FGF14: variants seen among roughly 807,000 people sequenced by gnomAD.
The protein encoded by FGF14 is fibroblast growth factor 14, also known as fibroblast growth factor homologous factor 4.
FGF14 carries 5 observed loss-of-function variants against 25.5 expected under a neutral mutation model. That is an observed-to-expected ratio of 0.20 (90% CI 0.10 to 0.41). The LOEUF is 0.41. Ranked by LOEUF, FGF14 falls within the 10% of genes least tolerant of loss-of-function variation. The pLI is 1.00. For synonymous variants in FGF14, 138 were observed against 118.3 expected (o/e 1.17, Z -1.08); for missense variants, 222 against 320.1 (o/e 0.69, Z 2.34).
At chr13:101,920,726 A>G (rs1204599905), upstream of FGF14, among the ~76,000 whole-genome samples, 1 of 152,178 alleles carries the variant, frequency 6.6e-6, no homozygotes, top group African/African-American at 2.4e-5. Flanking sequence ...ATAATTCGAA[A>G]CATAAGAAGT....
chr13:101,811,916 G>T (rs1357099721), intron 3 of FGF14, among the ~76,000 whole-genome samples: 1 of 152,118 alleles, frequency 6.6e-6, no homozygotes, highest in African/African-American at 2.4e-5. Context: ...AAGTTGGAAG[G>T]TCTCTAACAA....
chr13:102,279,954 G>A (rs929062524), intron 1 of FGF14, among the ~76,000 whole-genome samples: 4 of 152,162 alleles, frequency 2.6e-5, no homozygotes, highest in Admixed American at 6.5e-5. Flanking sequence ...ATTGGAAACA[G>A]ACTGACTTGG....
intron 3 of FGF14, among the ~76,000 whole-genome samples, chr13:101,755,532 A>G (rs1370368831): frequency 1.3e-5 from 2 of 152,106 alleles, no homozygotes; most frequent in African/African-American, 2.4e-5. Context: ...ATAATGATCA[A>G]AAGAGTTGGC....
chr13:101,797,734 G>GAT (rs150559894), intron 3 of FGF14, among the ~76,000 whole-genome samples: 116,024 of 140,122 alleles, frequency 0.83, 49,263 homozygotes, highest in East Asian at 0.97. Flanking sequence ...GTCATGAATT[G>GAT]ATGTGTGTGT....
intron 1 of FGF14, among the ~76,000 whole-genome samples, chr13:102,204,485 T>C (rs2049814982): frequency 1.3e-5 from 2 of 152,202 alleles, no homozygotes; most frequent in Non-Finnish European, 2.9e-5. Flanking sequence ...GGCCCATATA[T>C]ATGGTTGGTG....
chr13:101,796,940 A>G (rs9518555), intron 3 of FGF14, among the ~76,000 whole-genome samples: 135,283 of 152,028 alleles, frequency 0.89, 62,281 homozygotes, highest in East Asian at 1. Flanking sequence ...CCTTGGCCAA[A>G]TATTTCCAAA....
chr13:102,116,112 A>C (rs1204943299), intron 1 of FGF14, among the ~76,000 whole-genome samples: 1 of 151,848 alleles, frequency 6.6e-6, no homozygotes, highest in Non-Finnish European at 1.5e-5. Context: ...TTCCATCTCA[A>C]ATAAACAAAC....
At chr13:102,110,455 C>G (rs948970872) in intron 1 of FGF14, among the ~76,000 whole-genome samples, 2 of 152,146 alleles carry the variant, frequency 1.3e-5, no homozygotes, top group African/African-American at 4.8e-5. Flanking sequence ...CTGACTATGG[C>G]CGCAACTTGT....
intron 3 of FGF14, among the ~76,000 whole-genome samples, chr13:101,742,673 A>G (rs1248376591): frequency 6.6e-6 from 1 of 152,170 alleles, no homozygotes; most frequent in Non-Finnish European, 1.5e-5. Flanking sequence ...GATGTGAAAG[A>G]AAAATAAATC....
In FGF14 at chr13:101,965,706, A is replaced by G. The variant is rs551397582; in HGVS notation, c.209-90410T>C. On this transcript the variant is annotated intron_variant, in intron 1 of 4. Transcript: ENST00000376131. ...TTTTTTTTGTAAGTAACATGAAAGA[A>G]AAAACCAAAAATCTAAAGAAAAAAA... Among the ~76,000 whole-genome samples the G allele has an allele frequency of 3.7e-4, 56 of 151,858 alleles. 1 individual carries two copies. The highest frequency in any genetic ancestry group is 1.3e-3 in the African/African-American group (55 of 41,470).
At chr13:101,859,244 T>G (rs891550029) in intron 3 of FGF14, among the ~76,000 whole-genome samples, 22 of 152,086 alleles carry the variant, frequency 1.4e-4, no homozygotes, top group African/African-American at 4.8e-4. Flanking sequence ...GAAGTACAGA[T>G]TAAAAACTCC....
chr13:102,316,833 A>G (rs2056046917), intron 1 of FGF14, among the ~76,000 whole-genome samples: 1 of 152,204 alleles, frequency 6.6e-6, no homozygotes, highest in South Asian at 2.1e-4. Context: ...GAGAAATTAT[A>G]GTAAAAATAA....
intron 1 of FGF14, among the ~76,000 whole-genome samples, chr13:102,258,296 C>T (rs1049190281): frequency 6.6e-6 from 1 of 152,106 alleles, no homozygotes; most frequent in Non-Finnish European, 1.5e-5. Flanking sequence ...GGGAGCACAG[C>T]AGCAGCTTCA....
chr13:102,245,372 C>T (rs1342890085), intron 1 of FGF14, among the ~76,000 whole-genome samples: 3 of 152,004 alleles, frequency 2.0e-5, no homozygotes, highest in Non-Finnish European at 4.4e-5. Flanking sequence ...AAAGTATTTA[C>T]GATGAGTCTT....
intron 1 of FGF14, among the ~76,000 whole-genome samples, chr13:102,223,949 A>G (rs2050725094): frequency 6.6e-6 from 1 of 152,164 alleles, no homozygotes. Context: ...ACATAATGGT[A>G]ATAAGAACTT....
intron 1 of FGF14, among the ~76,000 whole-genome samples, chr13:102,321,468 G>A (rs1435175259): frequency 6.6e-6 from 1 of 152,006 alleles, no homozygotes; most frequent in Non-Finnish European, 1.5e-5. Flanking sequence ...GCTTCCCAGG[G>A]TCATTATAAA....
chr13:102,125,062 T>C (rs2045895388), intron 1 of FGF14, among the ~76,000 whole-genome samples: 2 of 152,178 alleles, frequency 1.3e-5, no homozygotes, highest in African/African-American at 4.8e-5. Context: ...CACACTGTTA[T>C]TGTTTTTTGT....
At chr13:102,397,119 T>C (rs1423259451) in intron 1 of FGF14, among the ~76,000 whole-genome samples, 1 of 152,062 alleles carries the variant, frequency 6.6e-6, no homozygotes, top group Admixed American at 6.5e-5. Flanking sequence ...CTAGGATGAG[T>C]CGGTAGGCTG....
intron 1 of FGF14, among the ~76,000 whole-genome samples, chr13:102,078,394 TAC>T (rs1336954061): frequency 1.7e-4 from 26 of 152,156 alleles, no homozygotes; most frequent in African/African-American, 5.8e-4. Flanking sequence ...TATAAAAATA[TAC>T]AGTTTTATTT....
Sources: gnomAD v4.1 joint callset for allele counts (sites outside exome capture counted in the v4.1 genomes callset) on GRCh38, gnomAD v4.1.1 for gene constraint, MANE v1.5 for transcripts, NCBI Gene and HGNC (gene_info 2026-07-23, HGNC 2026-07-21) for gene names.